Variants in TNRC6A observed in about 807,000 individuals in gnomAD.
TNRC6A encodes trinucleotide repeat-containing gene 6A protein.
In TNRC6A, 44 loss-of-function variants were observed where a neutral mutation model predicts 221.2. That is an observed-to-expected ratio of 0.20 (90% CI 0.16 to 0.26). TNRC6A has a LOEUF of 0.26. Among genes scored for constraint, TNRC6A ranks in the 10% least tolerant of loss-of-function variants. The probability of loss-of-function intolerance (pLI) is 1.00; values close to 1 mark genes in which losing one functional copy is unlikely to be tolerated. For synonymous variants in TNRC6A, 847 were observed against 838.5 expected (o/e 1.01, Z -0.18); for missense variants, 2,199 against 2,404.4 (o/e 0.91, Z 1.79).
At chr16:24,746,411 C>CTAAA (rs940693643) in intron 2 of TNRC6A, among the ~76,000 whole-genome samples, 1 of 152,110 alleles carries the variant, frequency 6.6e-6, no homozygotes, top group Non-Finnish European at 1.5e-5. Context: ...GACTTCGTCT[C>CTAAA]TAAATAAATA....
rs186586782 is a variant in TNRC6A, at chr16:24,716,850, C to T, written n.403-33876C>T. 1.1e-3 allele frequency among the ~76,000 whole-genome samples: 164 copies of T among 148,282 alleles called. 3 individuals carry two copies. In the East Asian group the frequency reaches 0.027, roughly 24 times the overall value. On this transcript the variant is annotated intron_variant and non_coding_transcript_variant, in intron 2 of 2. Coordinates refer to the TNRC6A transcript ENST00000566108. ...GGTGCACACCTGTAGTCCAGCTACTCGGGAGGCTGAGGCGGGAGGATCACT... is the reference window on the plus strand; with the variant it reads ...GGTGCACACCTGTAGTCCAGCTACTTGGGAGGCTGAGGCGGGAGGATCACT...
At chr16:24,776,224 C>T (rs1311379916) in intron 4 of TNRC6A, 1 of 975,324 alleles carries the variant, frequency 1.0e-6, no homozygotes, top group Admixed American at 6.2e-5. Flanking sequence ...TTTCTTTCCA[C>T]TCTTTTATGA....
At chr16:24,812,071 CAG>C (rs66652305) in intron 18 of TNRC6A, among the ~76,000 whole-genome samples, 5,043 of 61,092 alleles carry the variant, frequency 0.083, 737 homozygotes, top group Middle Eastern at 0.15. Context: ...TTTTTTGAGA[CAG>C]AGTCTCACTC....
intron 2 of TNRC6A, among the ~76,000 whole-genome samples, chr16:24,690,865 T>C (rs2055741211): frequency 6.6e-6 from 1 of 151,354 alleles, no homozygotes; most frequent in African/African-American, 2.4e-5. Context: ...TGGAGTGTAG[T>C]GGCGAGATCT....
At chr16:24,801,267 A>G (rs2058325352) in intron 11 of TNRC6A, among the ~76,000 whole-genome samples, 1 of 152,198 alleles carries the variant, frequency 6.6e-6, no homozygotes, top group Non-Finnish European at 1.5e-5. Context: ...GAATAATGGC[A>G]TTTAGGGGAG....
At position 24,797,048 on chromosome 16, in the gene TNRC6A, G is replaced by A. The variant is rs141972524; in HGVS notation, c.3562-442G>A. Among the ~76,000 whole-genome samples the A allele has an allele frequency of 2.6e-3, 398 of 152,314 alleles. 4 individuals carry two copies. Among genetic ancestry groups the A allele is most frequent in the African/African-American group, 9.1e-3 (378 of 41,570 alleles). ...ACACATGGTGTTTTTTCAGTAGGAT[G>A]CATATAGCATAATTAAATTAGGGGT... On this transcript the variant is annotated intron_variant, in intron 9 of 24. Transcript: ENST00000395799.
chr16:24,725,882 C>A (rs1162909425), upstream of TNRC6A, among the ~76,000 whole-genome samples: 3 of 151,894 alleles, frequency 2.0e-5, no homozygotes, highest in East Asian at 5.8e-4. Context: ...CGTCTGTAAT[C>A]CTAGCTGCTG....
chr16:24,637,371 G>A (rs983776818), intron 1 of TNRC6A, among the ~76,000 whole-genome samples: 2 of 152,158 alleles, frequency 1.3e-5, no homozygotes, highest in Non-Finnish European at 2.9e-5. Context: ...TGGGCAGCCT[G>A]GCGTTCCCTC....
rs68019317 is a variant in TNRC6A, at chr16:24,816,328, CAA to C, written c.4832-470_4832-469del. The C allele has an allele frequency of 9.2e-3, 952 of 103,134 alleles. 8 individuals carry two copies. The highest frequency in any genetic ancestry group is 0.026 in the African/African-American group (756 of 29,230). The allele number at this position is 103,134 out of a possible 1,614,324, so 6.4% of individuals were successfully genotyped here. Reference sequence around the variant, plus strand: ...TGGGCAACAGAGCGAGACTCTGTCTCAAAAAAAAAAAAAAAAAAATACATGAA... The same window carrying C: ...TGGGCAACAGAGCGAGACTCTGTCTCAAAAAAAAAAAAAAAAATACATGAA... On this transcript the variant is annotated intron_variant, in intron 19 of 24. Coordinates refer to ENST00000395799, the MANE Select transcript of TNRC6A (RefSeq NM_014494.4).
At chr16:24,755,668 C>T (rs549425491) in intron 3 of TNRC6A, among the ~76,000 whole-genome samples, 1 of 152,286 alleles carries the variant, frequency 6.6e-6, no homozygotes, top group South Asian at 2.1e-4. Context: ...GCTTCAGGAC[C>T]ATGTTGTTGG....
At chr16:24,666,639 G>GAAAAAA (rs1164353374) in intron 2 of TNRC6A, among the ~76,000 whole-genome samples, 6 of 31,502 alleles carry the variant, frequency 1.9e-4, no homozygotes, top group Non-Finnish European at 3.4e-4. Flanking sequence ...CTGTCTTAGA[G>GAAAAAA]AAAAAAAAAA....
intron 1 of TNRC6A, among the ~76,000 whole-genome samples, chr16:24,623,280 G>T (rs1410947383): frequency 1.3e-5 from 2 of 151,818 alleles, no homozygotes; most frequent in Non-Finnish European, 1.5e-5. Flanking sequence ...CTCACTGCAA[G>T]CTCCGCCTCC....
intron 2 of TNRC6A, among the ~76,000 whole-genome samples, chr16:24,734,433 G>C (rs2056716389): frequency 6.6e-6 from 1 of 152,084 alleles, no homozygotes; most frequent in Non-Finnish European, 1.5e-5. Flanking sequence ...TAGACCAGTA[G>C]AACTCAGCTG....
At chr16:24,630,079 T>C (rs1157195839) in intron 1 of TNRC6A, among the ~76,000 whole-genome samples, 2 of 152,318 alleles carry the variant, frequency 1.3e-5, no homozygotes, top group East Asian at 1.9e-4. Context: ...TACTATTTAA[T>C]TGTGAATATT....
At position 24,791,603 on chromosome 16, in the gene TNRC6A, G is replaced by C. The variant is rs1024275417; in HGVS notation, c.2961G>C (p.Trp987Cys). 1 of 1,603,070 alleles carries C rather than the reference G, an allele frequency of 6.2e-7. No individual in the cohort carries two copies. Residue 987 changes from tryptophan to cysteine, a missense_variant, in exon 6 of 25, where the codon TGG becomes TGC. By Grantham distance (215) the Trp-to-Cys change is radical. Coordinates refer to ENST00000395799, the MANE Select transcript of TNRC6A (RefSeq NM_014494.4). ...CAAAAGAAGAAGAACCCACAGGCTG[G>C]GAGGAACCATCCCCAGAATCTATAC... ...APAKEEEPTG[W>C]EEPSPESIRR...
Position 24,823,276 on chromosome 16 carries a change from C to T in TNRC6A, c.5514-156C>T, listed in dbSNP as rs1567528962. ...CCCTGGAGAGCTGTGGGTGCACACT[C>T]GGGTGAAGGGAGGGCACGCAGGTTA... On this transcript the variant is annotated intron_variant, in intron 24 of 24. Coordinates refer to ENST00000395799, the MANE Select transcript of TNRC6A (RefSeq NM_014494.4). This position sits in a 1 kb window ranked among gnomAD's most constrained non-coding sequence, Gnocchi z 4.3. Among the ~76,000 whole-genome samples, 4 of 152,260 alleles carry T rather than the reference C, an allele frequency of 2.6e-5. No homozygotes were observed.
chr16:24,642,655 TA>T (rs1323706708), intron 2 of TNRC6A, among the ~76,000 whole-genome samples: 5 of 151,824 alleles, frequency 3.3e-5, no homozygotes, highest in African/African-American at 1.2e-4. Flanking sequence ...CAGTCTCTAC[TA>T]AAAATACAAA....
intron 2 of TNRC6A, among the ~76,000 whole-genome samples, chr16:24,673,387 G>T (rs1032676702): frequency 6.6e-6 from 1 of 152,114 alleles, no homozygotes. Flanking sequence ...CTGGAACTGT[G>T]TTCCACAGCC....
rs371598247 is a variant in TNRC6A at position 24,804,166 on chromosome 16, G to C, written c.3695-11G>C. The C allele has an allele frequency of 5.7e-6, 9 of 1,589,716 alleles. No homozygotes were observed. The highest frequency in any genetic ancestry group is 7.7e-6 in the Non-Finnish European group (9 of 1,172,654). Reference sequence around the variant, plus strand: ...TCTTCCTGTTTGATAACAGTCTCCTGCCTTTATTAGGAATGTTACAAGACA... The same window carrying C: ...TCTTCCTGTTTGATAACAGTCTCCTCCCTTTATTAGGAATGTTACAAGACA... On this transcript the variant is annotated splice_polypyrimidine_tract_variant and intron_variant, in intron 11 of 24. Transcript: ENST00000395799.
Sources: gnomAD v4.1 joint callset for allele counts (sites outside exome capture counted in the v4.1 genomes callset) on GRCh38, gnomAD v4.1.1 for gene constraint, Gnocchi (gnomAD v3.1) non-coding constraint, MANE v1.5 for transcripts, NCBI Gene and HGNC (gene_info 2026-07-23, HGNC 2026-07-21) for gene names.